The following SHANK2 variants were observed in gnomAD, a reference collection of about 807,000 sequenced individuals.
SHANK2 encodes SH3 and multiple ankyrin repeat domains protein 2.
In SHANK2, 43 loss-of-function variants were observed where a neutral mutation model predicts 133.7. The observed-to-expected ratio is 0.32, with a 90% CI of 0.25 to 0.41. The LOEUF (loss-of-function observed/expected upper bound fraction) is 0.41. SHANK2 is among the 10% of genes least tolerant of loss of function. SHANK2 has a pLI of 1.00. For synonymous variants in SHANK2, 1,017 were observed against 952.8 expected (o/e 1.07, Z -1.24); for missense variants, 1,994 against 2,235.8 (o/e 0.89, Z 2.18).
rs1156762154 is a variant in SHANK2, at chr11:70,801,400, C to T, written c.1664-2844G>A. Among the ~76,000 whole-genome samples the T allele has an allele frequency of 2.6e-5, 4 of 152,116 alleles. No homozygotes were observed. In the East Asian group the frequency reaches 5.8e-4, roughly 22 times the overall value. On this transcript the variant is annotated intron_variant, in intron 13 of 25. Transcript: ENST00000601538. ...GGGTGCAGGGGAATGGAGGAGGGGG[C>T]CCCTTCTGGGTTTCTGGTTGTGCAA...
intron 17 of SHANK2, among the ~76,000 whole-genome samples, chr11:70,619,939 G>A (rs187459945): frequency 1.3e-5 from 2 of 152,344 alleles, no homozygotes; most frequent in Admixed American, 1.3e-4. Flanking sequence ...CAGGGAGGCA[G>A]GAGGGGAGAG....
At chr11:71,059,627 G>A (rs1950963294) in intron 9 of SHANK2, among the ~76,000 whole-genome samples, 1 of 152,224 alleles carries the variant, frequency 6.6e-6, no homozygotes, top group African/African-American at 2.4e-5. Flanking sequence ...GGATCCGGCT[G>A]ATTTCAGGGT....
chr11:70,673,211 T>C (rs1944847690), intron 15 of SHANK2, among the ~76,000 whole-genome samples: 1 of 152,070 alleles, frequency 6.6e-6, no homozygotes, highest in African/African-American at 2.4e-5. Flanking sequence ...GCGACAGGTT[T>C]GCCCAGGGCA....
intron 2 of SHANK2, among the ~76,000 whole-genome samples, chr11:71,150,473 C>A (rs1288289639): frequency 6.6e-6 from 1 of 151,744 alleles, no homozygotes; most frequent in African/African-American, 2.4e-5. Context: ...CTTCCTAATG[C>A]AGGACCTAAG....
rs190805475 is a variant in SHANK2 at position 71,220,703 on chromosome 11, A to G, written c.-13+3994T>C. ...CAAAATCTCACATGACCCCACTCCCATGAGGTTCCTAGAGTGGGGAAATCC... is the reference window on the plus strand; with the variant it reads ...CAAAATCTCACATGACCCCACTCCCGTGAGGTTCCTAGAGTGGGGAAATCC... On this transcript the variant is annotated intron_variant, in intron 2 of 25. Coordinates refer to ENST00000601538, the MANE Select transcript of SHANK2 (RefSeq NM_012309.5). 2.9e-3 allele frequency among the ~76,000 whole-genome samples: 439 copies of G among 152,108 alleles called. 1 individual carries two copies. The highest frequency in any genetic ancestry group is 4.0e-3 in the Non-Finnish European group (272 of 67,998).
At chr11:70,704,467 G>C (rs561434144) in intron 14 of SHANK2, among the ~76,000 whole-genome samples, 1 of 152,208 alleles carries the variant, frequency 6.6e-6, no homozygotes, top group East Asian at 1.9e-4. Flanking sequence ...GCACACAGGG[G>C]TGCATATGTG....
rs538792035 is a variant in SHANK2, at chr11:70,620,937, G to A, written c.2061+38891C>T. On this transcript the variant is annotated intron_variant, in intron 17 of 25. Coordinates refer to ENST00000601538, the MANE Select transcript of SHANK2 (RefSeq NM_012309.5). ...GCTTGTTTAAGCCCCCTGGTCTGTC[G>A]AACCTTATTACAGCAACCCAAACTG... Among the ~76,000 whole-genome samples the A allele has an allele frequency of 7.2e-5, 11 of 152,296 alleles. No homozygotes were observed. The South Asian group carries it at 2.3e-3, about 32-fold the overall frequency.
chr11:70,531,177 A>C (rs12785950), intron 17 of SHANK2, among the ~76,000 whole-genome samples: 26,871 of 146,160 alleles, frequency 0.18, 2,726 homozygotes, highest in African/African-American at 0.25. Flanking sequence ...AAAAAAAAAA[A>C]AAAACAAAAA....
At position 71,147,431 on chromosome 11, in the gene SHANK2, T is replaced by C. The variant is rs1212483529; in HGVS notation, c.-12-93A>G. 4.0e-6 allele frequency: 4 copies of C among 1,010,904 alleles called. No homozygotes were observed. In the Admixed American group the frequency reaches 9.2e-5, roughly 23 times the overall value. 62.6% of individuals were successfully genotyped at this position (1,010,904 alleles called of 1,614,324 possible). ...GTGGACACTGGCGCTGGAACACACGTGGGCTCGGTTTCACAGTCTGTGTTT... is the reference window on the plus strand; with the variant it reads ...GTGGACACTGGCGCTGGAACACACGCGGGCTCGGTTTCACAGTCTGTGTTT... On this transcript the variant is annotated intron_variant, in intron 2 of 25. Coordinates refer to ENST00000601538, the MANE Select transcript of SHANK2 (RefSeq NM_012309.5).
chr11:70,777,669 A>G (rs1947395781), intron 14 of SHANK2, among the ~76,000 whole-genome samples: 1 of 152,176 alleles, frequency 6.6e-6, no homozygotes, highest in Admixed American at 6.5e-5. Context: ...GTAAACCTTG[A>G]TCAATTGACC....
chr11:70,542,352 G>A (rs2059633433), intron 17 of SHANK2, among the ~76,000 whole-genome samples: 1 of 152,194 alleles, frequency 6.6e-6, no homozygotes, highest in Admixed American at 6.5e-5. Context: ...AGAGACACAG[G>A]TTGGCACCAT....
At chr11:70,858,606 C>T (rs977818767) in intron 11 of SHANK2, among the ~76,000 whole-genome samples, 4 of 152,230 alleles carry the variant, frequency 2.6e-5, no homozygotes, top group Non-Finnish European at 4.4e-5. Flanking sequence ...GACAGTTATC[C>T]ACACAACAGC....
At chr11:70,933,914 A>C (rs1336863193) in intron 10 of SHANK2, among the ~76,000 whole-genome samples, 1 of 144,860 alleles carries the variant, frequency 6.9e-6, no homozygotes, top group Non-Finnish European at 1.5e-5. Context: ...AAAAAAAAAA[A>C]CAAAAAACAA....
At chr11:70,794,674 C>T (rs899270904) in intron 14 of SHANK2, among the ~76,000 whole-genome samples, 9 of 152,152 alleles carry the variant, frequency 5.9e-5, no homozygotes, top group African/African-American at 2.2e-4. Context: ...TCTTATGCCT[C>T]GGCCTCCCAA....
At chr11:70,851,012 T>C (rs73534008) in intron 11 of SHANK2, among the ~76,000 whole-genome samples, 1 of 152,186 alleles carries the variant, frequency 6.6e-6, no homozygotes, top group Admixed American at 6.5e-5. Context: ...TACCCCAAGG[T>C]GACCCATTAA....
At chr11:70,538,873 C>T (rs2059578393) in intron 17 of SHANK2, among the ~76,000 whole-genome samples, 1 of 152,176 alleles carries the variant, frequency 6.6e-6, no homozygotes, top group South Asian at 2.1e-4. Context: ...CTCAGGGGCA[C>T]CCCCAGCCTC....
chr11:71,251,150 C>A (rs1213218393), intron 1 of SHANK2, among the ~76,000 whole-genome samples: 4 of 151,814 alleles, frequency 2.6e-5, no homozygotes, highest in Admixed American at 2.0e-4. Flanking sequence ...CAGTTCCAGG[C>A]GCCCCGAGCC....
intron 17 of SHANK2, among the ~76,000 whole-genome samples, chr11:70,557,737 A>G (rs1233214805): frequency 1.3e-5 from 2 of 152,164 alleles, no homozygotes; most frequent in African/African-American, 4.8e-5. Context: ...CAAAGGCCCA[A>G]GTGGTTCCGG....
intron 11 of SHANK2, among the ~76,000 whole-genome samples, chr11:70,866,633 G>A (rs1473333937): frequency 1.3e-5 from 2 of 152,114 alleles, no homozygotes; most frequent in Non-Finnish European, 2.9e-5. Context: ...AAGGAGTAAG[G>A]ATAAAATCTA....
Sources: gnomAD v4.1 joint callset for allele counts (sites outside exome capture counted in the v4.1 genomes callset) on GRCh38, gnomAD v4.1.1 for gene constraint, MANE v1.5 for transcripts, NCBI Gene and HGNC (gene_info 2026-07-23, HGNC 2026-07-21) for gene names.